Variants in SMAP1 observed in about 807,000 individuals in gnomAD.
The protein encoded by SMAP1 is small ArfGAP 1, also known as stromal membrane-associated protein 1.
Under a neutral mutation model 58.5 loss-of-function variants are expected in SMAP1, and 24 were observed. The observed-to-expected ratio is 0.41, with a 90% confidence interval of 0.30 to 0.58. The LOEUF (loss-of-function observed/expected upper bound fraction) is 0.58. Ranked by LOEUF, SMAP1 falls within the 20% of genes least tolerant of loss-of-function variation. SMAP1 has a pLI of 0.29. For synonymous variants in SMAP1, 216 were observed against 196.6 expected, an observed-to-expected ratio of 1.10 and a Z score of -0.82; for missense variants, 563 against 566.3, an observed-to-expected ratio of 0.99 and a Z score of 0.06.
At chr6:70,747,164 G>A (rs1441704410) in intron 2 of SMAP1, among the ~76,000 whole-genome samples, 2 of 152,118 alleles carry the variant, frequency 1.3e-5, no homozygotes, top group South Asian at 2.1e-4. Context: ...ACTAAATGGT[G>A]GGTGATCTTC....
intron 8 of SMAP1, among the ~76,000 whole-genome samples, chr6:70,853,930 CT>C (rs1289315007): frequency 6.6e-6 from 1 of 152,210 alleles, no homozygotes; most frequent in African/African-American, 2.4e-5. Context: ...ACCTGCTAGA[CT>C]TATTTAGCAC....
At chr6:70,705,851 C>T (rs981016378) in intron 1 of SMAP1, among the ~76,000 whole-genome samples, 2 of 152,076 alleles carry the variant, frequency 1.3e-5, no homozygotes, top group Non-Finnish European at 2.9e-5. Flanking sequence ...TTAGAGAGGC[C>T]TATAAAATTT....
intron 2 of SMAP1, among the ~76,000 whole-genome samples, chr6:70,744,002 T>TA (rs1383469370): frequency 6.6e-6 from 1 of 152,232 alleles, no homozygotes; most frequent in African/African-American, 2.4e-5. Context: ...CTTGATTTGT[T>TA]AAAAATTTTT....
chr6:70,792,116 AAGTT>A (rs1562165102), intron 5 of SMAP1, among the ~76,000 whole-genome samples: 1 of 152,148 alleles, frequency 6.6e-6, no homozygotes, highest in Non-Finnish European at 1.5e-5. Context: ...CACTTAAAGA[AAGTT>A]AATGTCAAGT....
chr6:70,844,347 A>G (rs1183303276), intron 7 of SMAP1, among the ~76,000 whole-genome samples: 1 of 152,136 alleles, frequency 6.6e-6, no homozygotes, highest in African/African-American at 2.4e-5. Flanking sequence ...ACATGTGTGC[A>G]TGTGTGTGTG....
intron 6 of SMAP1, among the ~76,000 whole-genome samples, chr6:70,828,023 A>G (rs1431961094): frequency 6.6e-6 from 1 of 152,204 alleles, no homozygotes; most frequent in Non-Finnish European, 1.5e-5. Context: ...GGGAATAAAC[A>G]AGAATTATAT....
At position 70,857,029 on chromosome 6, in the gene SMAP1, T is replaced by C; in HGVS notation, c.960T>C (p.Pro320=). The change falls in exon 9 of 11, where the codon CCT becomes CCC. Residue 320 remains proline, a splice_region_variant and synonymous_variant. Transcript: ENST00000370455. ...GTGTIQQQST[P]GVFMGPTNIP... ...GAACCATTCAACAGCAAAGTACTCC[T>C]GGTAATGAATTTTGATATCTGCTTT... 1.3e-6 allele frequency: 2 copies of C among 1,598,544 alleles called. No homozygotes were observed. Among genetic ancestry groups the C allele is most frequent in the Non-Finnish European group, 1.7e-6 (2 of 1,172,370 alleles).
chr6:70,720,462 G>T (rs75107614), intron 1 of SMAP1, among the ~76,000 whole-genome samples: 1 of 152,132 alleles, frequency 6.6e-6, no homozygotes, highest in South Asian at 2.1e-4. Context: ...CTGGGATCTG[G>T]AGGATGGTGG....
chr6:70,757,685 C>T (rs1766556771), intron 3 of SMAP1, among the ~76,000 whole-genome samples: 1 of 152,078 alleles, frequency 6.6e-6, no homozygotes, highest in Non-Finnish European at 1.5e-5. Flanking sequence ...AAAAAACAAA[C>T]AACCCCATCA....
intron 1 of SMAP1, 100 bp downstream of exon 1, chr6:70,668,241 G>A (rs965379732): frequency 3.6e-6 from 4 of 1,126,250 alleles, no homozygotes; most frequent in East Asian, 2.8e-5. Context: ...CCTCGGCTTC[G>A]CTGGCCGGCT....
At chr6:70,818,175 C>T (rs1451771256) in intron 6 of SMAP1, among the ~76,000 whole-genome samples, 1 of 151,502 alleles carries the variant, frequency 6.6e-6, no homozygotes, top group Non-Finnish European at 1.5e-5. Flanking sequence ...GGGCGGATTA[C>T]CTGAGGTCAG....
chr6:70,835,134 C>T (rs901560611), intron 6 of SMAP1, among the ~76,000 whole-genome samples: 5 of 151,228 alleles, frequency 3.3e-5, no homozygotes, highest in African/African-American at 1.2e-4. Flanking sequence ...CACCTGTAGT[C>T]CCAGCTACTT....
At position 70,859,451 on chromosome 6, in the gene SMAP1, T is replaced by C. The variant is rs896325941; in HGVS notation, c.1270-749T>C. 2.1e-5 allele frequency: 28 copies of C among 1,342,420 alleles called. No homozygotes were observed. In the Admixed American group the frequency reaches 4.1e-4, roughly 20 times the overall value. The allele number at this position is 1,342,420 out of a possible 1,614,324, so 83.2% of individuals were successfully genotyped here. A position where few individuals can be genotyped will look rare whatever the true frequency, so the allele number is the denominator to read the frequency against. ...CGTGATCTGCTTCTTCAGACACTTA[T>C]GCCTGATTAGTGATGTAGTTTATGT... On this transcript the variant is annotated intron_variant, in intron 10 of 10. Coordinates refer to ENST00000370455, the MANE Select transcript of SMAP1 (RefSeq NM_001044305.3).
At chr6:70,796,438 G>T (rs1768609766) in intron 5 of SMAP1, among the ~76,000 whole-genome samples, 1 of 152,176 alleles carries the variant, frequency 6.6e-6, no homozygotes, top group African/African-American at 2.4e-5. Context: ...ATGACAGTAG[G>T]TAAAGTTTTT....
intron 3 of SMAP1, among the ~76,000 whole-genome samples, chr6:70,763,570 A>C (rs188057585): frequency 2.0e-5 from 3 of 152,328 alleles, no homozygotes; most frequent in South Asian, 4.1e-4. Context: ...AATAGAAAGG[A>C]TTAAGCTAGT....
chr6:70,771,164 G>T (rs1348196222), intron 3 of SMAP1, among the ~76,000 whole-genome samples: 1 of 152,216 alleles, frequency 6.6e-6, no homozygotes, highest in African/African-American at 2.4e-5. Flanking sequence ...CCCCTACTGG[G>T]GGGTGCCTCC....
At chr6:70,674,180 T>G (rs183304760) in intron 1 of SMAP1, among the ~76,000 whole-genome samples, 1 of 152,056 alleles carries the variant, frequency 6.6e-6, no homozygotes, top group Admixed American at 6.5e-5. Flanking sequence ...GAGTGCGATG[T>G]AGGCTCTCTG....
intron 3 of SMAP1, among the ~76,000 whole-genome samples, chr6:70,756,266 G>A (rs1367860981): frequency 6.6e-6 from 1 of 152,034 alleles, no homozygotes; most frequent in East Asian, 1.9e-4. Flanking sequence ...CATTTGTATA[G>A]TAAAACAATT....
At chr6:70,744,347 C>T (rs145721986) in intron 2 of SMAP1, among the ~76,000 whole-genome samples, 1,899 of 152,116 alleles carry the variant, frequency 0.012, 20 homozygotes, top group Middle Eastern at 0.086. Flanking sequence ...CGATAGGCCC[C>T]GGTGTGTGAT....
Sources: gnomAD v4.1 joint callset for allele counts (sites outside exome capture counted in the v4.1 genomes callset) on GRCh38, gnomAD v4.1.1 for gene constraint, MANE v1.5 for transcripts, NCBI Gene and HGNC (gene_info 2026-07-23, HGNC 2026-07-21) for gene names.